TLN1: variants seen among roughly 807,000 people sequenced by gnomAD.
TLN1 encodes talin 1, also known as talin-1.
In TLN1, 56 loss-of-function variants were observed where a neutral mutation model predicts 292.3. The ratio of observed to expected loss-of-function variants is 0.19; its 90% CI spans 0.15 to 0.24. The LOEUF is 0.24. Ranked by LOEUF, TLN1 falls within the 10% of genes least tolerant of loss-of-function variation. The pLI is 1.00. For synonymous variants in TLN1, 1,119 were observed against 1,253.7 expected (o/e 0.89, Z 2.27); for missense variants, 2,433 against 3,248.2 (o/e 0.75, Z 6.10).
rs1482739223 is a variant in TLN1, at chr9:35,711,264, G to T, written c.4010C>A (p.Ala1337Glu). The change falls in exon 30 of 57, where the codon GCA becomes GAA. Residue 1337 changes from alanine (A) to glutamate (E), a missense_variant. Ala to Glu is a moderately radical substitution (Grantham distance 107, BLOSUM62 -1). This residue lies in a region of TLN1 where 1,384 missense variants were observed against 1,699.6 expected (regional missense o/e 0.81). Transcript: ENST00000314888. ...AAPNLKSQLAAAARAVTDSIN... is the reference protein window; with the variant it reads ...AAPNLKSQLAEAARAVTDSIN... Reference sequence around the variant, plus strand: ...CTCAGCAACTACTTACCTGGCAGCTGCAGCCAGCTGACTCTTGAGGTTAGG... The same window carrying T: ...CTCAGCAACTACTTACCTGGCAGCTTCAGCCAGCTGACTCTTGAGGTTAGG... 1 of 1,614,120 alleles carries T rather than the reference G, an allele frequency of 6.2e-7. No individual in the cohort carries two copies. The highest frequency in any genetic ancestry group is 8.5e-7 in the Non-Finnish European group (1 of 1,180,042).
Position 35,717,890 on chromosome 9 carries a change from GGA to G in TLN1, c.1996-106_1996-105del. On this transcript the variant is annotated intron_variant, in intron 17 of 56. Transcript: ENST00000314888. The surrounding 1 kb of genome is among the most constrained non-coding windows in gnomAD (Gnocchi z 4.7). ...CATTATTCCCACTGATCCAATCAAA[GGA>G]GAGTGTACGCAGAAGCAACCAGAAC... is the stretch of plus-strand genomic sequence containing the variant. 1 of 1,399,020 alleles carries G rather than the reference GGA, an allele frequency of 7.1e-7. No homozygotes were observed. The highest frequency in any genetic ancestry group is 1.4e-5 in the African/African-American group (1 of 70,052). 86.7% of individuals were successfully genotyped at this position (1,399,020 alleles called of 1,614,324 possible).
At chr9:35,715,021 A>G (rs371425826) in intron 21 of TLN1, 38 bp downstream of exon 21, 9 of 1,612,240 alleles carry the variant, frequency 5.6e-6, no homozygotes, top group Non-Finnish European at 7.6e-6. Flanking sequence ...CACAGCACCC[A>G]CACTCTCTCT....
intron 1 of TLN1, among the ~76,000 whole-genome samples, chr9:35,728,627 C>G (rs1281835825): frequency 3.9e-5 from 6 of 152,246 alleles, no homozygotes; most frequent in Non-Finnish European, 7.3e-5. Flanking sequence ...AGCCCCCACA[C>G]AGATCCCATC....
intron 1 of TLN1, among the ~76,000 whole-genome samples, chr9:35,730,501 G>A (rs1826055920): frequency 6.7e-6 from 1 of 149,982 alleles, no homozygotes. Context: ...ACACACAGCA[G>A]GGGATGGGAG....
chr9:35,710,969 T>C lies in TLN1; in HGVS notation c.4113+20A>G. ...AACACTTCCCTCAACCTCAATGCCATCAGCCTGCCATGTGTCTACCTCCAA... is the reference window on the plus strand; with the variant it reads ...AACACTTCCCTCAACCTCAATGCCACCAGCCTGCCATGTGTCTACCTCCAA... On this transcript the variant is annotated intron_variant, in intron 31 of 56. Transcript: ENST00000314888. 1 of 1,614,084 alleles carries C rather than the reference T, an allele frequency of 6.2e-7. No homozygotes were observed. The highest frequency in any genetic ancestry group is 8.5e-7 in the Non-Finnish European group (1 of 1,179,950).
chr9:35,703,469 C>A lies in TLN1; in HGVS notation c.6474+91G>T. ...ATGAGAGAGAAGACTGTGTGTGACT[C>A]CAGCTGTGAGTATATGTGTGGCACA... On this transcript the variant is annotated intron_variant, in intron 48 of 56. Transcript: ENST00000314888. The A allele has an allele frequency of 4.1e-6, 5 of 1,220,092 alleles. No homozygotes were observed. In the South Asian group the frequency reaches 6.1e-5, roughly 15 times the overall value. The allele number at this position is 1,220,092 out of a possible 1,614,324, so 75.6% of individuals were successfully genotyped here. A position where few individuals can be genotyped will look rare whatever the true frequency, so the allele number is the denominator to read the frequency against.
intron 1 of TLN1, among the ~76,000 whole-genome samples, chr9:35,727,521 TC>T (rs2131912076): frequency 6.6e-6 from 1 of 152,174 alleles, no homozygotes; most frequent in South Asian, 2.1e-4. Context: ...CTGTCTTTAC[TC>T]CCCAATAAGA....
In TLN1 at chr9:35,707,872, A is replaced by C; in HGVS notation, c.4491T>G (p.Ile1497Met). 1 of 1,614,122 alleles carries C rather than the reference A, an allele frequency of 6.2e-7. No homozygotes were observed. The highest frequency in any genetic ancestry group is 8.5e-7 in the Non-Finnish European group (1 of 1,179,998). Reference protein sequence around the residue: ...TQAQVLSAATIVAKHTSALCN... With the variant: ...TQAQVLSAATMVAKHTSALCN... Reference sequence around the variant, plus strand: ...ACAGTGCAGAGGTGTGTTTAGCCACAATGGTGGCTGCAGAGAGCACCTGAG... The same window carrying C: ...ACAGTGCAGAGGTGTGTTTAGCCACCATGGTGGCTGCAGAGAGCACCTGAG... Residue 1497 changes from isoleucine to methionine, a missense_variant, in exon 35 of 57, where the codon ATT (isoleucine) becomes ATG (methionine). By Grantham distance (10) the Ile-to-Met change is conservative (BLOSUM62 1). Transcript: ENST00000314888. The surrounding 1 kb of genome is among the most constrained non-coding windows in gnomAD (Gnocchi z 5.6).
Position 35,699,599 on chromosome 9 carries a change from T to G in TLN1, c.6769-138A>C. ...CATAGCCCTCAAACTCCACGCTGCC[T>G]ATCCAAGTACACATCATGCATCACA... is the stretch of plus-strand genomic sequence containing the variant. On this transcript the variant is annotated intron_variant, in intron 50 of 56. Transcript: ENST00000314888. This position sits in a 1 kb window ranked among gnomAD's most constrained non-coding sequence, Gnocchi z 4.0. 1 of 1,428,940 alleles carries G rather than the reference T, an allele frequency of 7.0e-7. No individual in the cohort carries two copies. Among genetic ancestry groups the G allele is most frequent in the Non-Finnish European group, 9.1e-7 (1 of 1,094,572 alleles). The allele number at this position is 1,428,940 out of a possible 1,614,324, so 88.5% of individuals were successfully genotyped here.
At chr9:35,716,833 GA>G (rs1426057013) in intron 19 of TLN1, among the ~76,000 whole-genome samples, 2 of 152,200 alleles carry the variant, frequency 1.3e-5, no homozygotes, top group African/African-American at 4.8e-5. Flanking sequence ...GACACTCTCT[GA>G]AAACTTTTGG....
In TLN1 at chr9:35,698,410, G is replaced by T. The variant is rs763683465; in HGVS notation, c.7284C>A (p.Ala2428=). Reference sequence around the variant, plus strand: ...GGGCTGTGGAGGCAGCTACCTGCTTGGCTGATGAGATGAGCTTCTCCTGGC... The same window carrying T: ...GGGCTGTGGAGGCAGCTACCTGCTTTGCTGATGAGATGAGCTTCTCCTGGC... ...HASQEKLISS[A]KQVAASTAQL... is the part of the protein sequence containing the mutation. The change falls in exon 55 of 57, where the codon GCC becomes GCA. Residue 2428 remains alanine, a synonymous_variant. Transcript: ENST00000314888. This position sits in a 1 kb window ranked among gnomAD's most constrained non-coding sequence, Gnocchi z 5.3. 16 of 1,614,180 alleles carry T rather than the reference G, an allele frequency of 9.9e-6. No individual in the cohort carries two copies. The highest frequency in any genetic ancestry group is 3.3e-5 in the Admixed American group (2 of 60,018).
In TLN1 at chr9:35,705,856, G is replaced by A. The variant is rs201603005; in HGVS notation, c.5512-5C>T. The A allele has an allele frequency of 1.2e-6, 2 of 1,614,064 alleles. No individual in the cohort carries two copies. The highest frequency in any genetic ancestry group is 1.7e-5 in the Admixed American group (1 of 60,024). ...ACCCATTGGTCCTTCATCTAGCTGAGGGGGGAGGATAGGGAAAGGGAAAGA... is the reference window on the plus strand; with the variant it reads ...ACCCATTGGTCCTTCATCTAGCTGAAGGGGGAGGATAGGGAAAGGGAAAGA... On this transcript the variant is annotated splice_region_variant and splice_polypyrimidine_tract_variant and intron_variant, in intron 41 of 56. Coordinates refer to ENST00000314888, the MANE Select transcript of TLN1 (RefSeq NM_006289.4).
Position 35,707,560 on chromosome 9 carries a change from T to C in TLN1, c.4633-72A>G. 6.3e-7 allele frequency: 1 copy of C among 1,585,454 alleles called. No homozygotes were observed. Among genetic ancestry groups the C allele is most frequent in the East Asian group, 2.2e-5 (1 of 44,496 alleles). ...GGGTATAGGAAGTGAAGTCCAGGTC[T>C]CCTTCCTGGGACTTACAGGATTTGG... On this transcript the variant is annotated intron_variant, in intron 35 of 56. Coordinates refer to ENST00000314888, the MANE Select transcript of TLN1 (RefSeq NM_006289.4). The surrounding 1 kb of genome is among the most constrained non-coding windows in gnomAD (Gnocchi z 5.6).
intron 8 of TLN1, 90 bp from the exon 9 acceptor site, chr9:35,722,313 T>A: frequency 8.8e-7 from 1 of 1,136,422 alleles, no homozygotes; most frequent in Non-Finnish European, 1.3e-6. Context: ...GAGAGAGAAT[T>A]ATGGGGACAC....
In TLN1 at chr9:35,717,444, T is replaced by C. The variant is rs753339437; in HGVS notation, c.2164-4A>G. On this transcript the variant is annotated splice_region_variant and splice_polypyrimidine_tract_variant and intron_variant, in intron 18 of 56. Transcript: ENST00000314888. This position sits in a 1 kb window ranked among gnomAD's most constrained non-coding sequence, Gnocchi z 4.7. Reference sequence around the variant, plus strand: ...AGCTGATTGTAGGTGCCACCACCTGTAGGTAAAGTGAATGTCAGAGACGTA... The same window carrying C: ...AGCTGATTGTAGGTGCCACCACCTGCAGGTAAAGTGAATGTCAGAGACGTA... The C allele has an allele frequency of 1.1e-5, 17 of 1,610,210 alleles. No homozygotes were observed. Among genetic ancestry groups the C allele is most frequent in the Admixed American group, 3.3e-5 (2 of 59,928 alleles).
chr9:35,702,628 G>C (rs539750024), intron 48 of TLN1, among the ~76,000 whole-genome samples: 1 of 152,048 alleles, frequency 6.6e-6, no homozygotes, highest in African/African-American at 2.4e-5. Flanking sequence ...AAGCAGCTGG[G>C]ACTACAGGCG....
In TLN1 at chr9:35,707,744, A is replaced by C; in HGVS notation, c.4619T>G (p.Val1540Gly). ...AGCAATGGGAACCTTGATGGTCTTG[A>C]CAAGATTAGCTGTGCTGTTGGCCAC... ...KEVANSTANL[V>G]KTIKALDGAF... Residue 1540 changes from valine to glycine, a missense_variant, in exon 35 of 57, where the codon GTC (valine) becomes GGC (glycine). Physicochemically the swap from Val to Gly is moderately radical, Grantham distance 109 (BLOSUM62 -3). Transcript: ENST00000314888. The surrounding 1 kb of genome is among the most constrained non-coding windows in gnomAD (Gnocchi z 5.6). 1 of 1,614,186 alleles carries C rather than the reference A, an allele frequency of 6.2e-7. No homozygotes were observed. Among genetic ancestry groups the C allele is most frequent in the Non-Finnish European group, 8.5e-7 (1 of 1,180,020 alleles).
Position 35,705,457 on chromosome 9 carries a change from G to T in TLN1, c.5733+94C>A. On this transcript the variant is annotated intron_variant, in intron 43 of 56. Transcript: ENST00000314888. ...GCCCTGAGGCTGTTCCCCTTTCTAT[G>T]AAAGACCAGAGAGGGTGGGGGTGGG... 11 of 1,317,986 alleles carry T rather than the reference G, an allele frequency of 8.3e-6. 1 individual carries two copies. The South Asian group carries it at 1.2e-4, about 14-fold the overall frequency. 81.6% of individuals were successfully genotyped at this position (1,317,986 alleles called of 1,614,324 possible). A position where few individuals can be genotyped will look rare whatever the true frequency, so the allele number is the denominator to read the frequency against.
In TLN1 at chr9:35,707,273, GAAGGT is replaced by G. The variant is rs1403235574; in HGVS notation, c.4774-25_4774-21del. The G allele has an allele frequency of 6.2e-7, 1 of 1,603,804 alleles. No individual in the cohort carries two copies. Among genetic ancestry groups the G allele is most frequent in the East Asian group, 2.2e-5 (1 of 44,662 alleles). ...CCGACCCTGGGGAGAGGGGAGGCAG[GAAGGT>G]AAGTCTCAGGAGTCCCTGGAAGATG... On this transcript the variant is annotated intron_variant, in intron 36 of 56. Coordinates refer to ENST00000314888, the MANE Select transcript of TLN1 (RefSeq NM_006289.4). The surrounding 1 kb of genome is among the most constrained non-coding windows in gnomAD (Gnocchi z 5.6).
Sources: gnomAD v4.1 joint callset for allele counts (sites outside exome capture counted in the v4.1 genomes callset) on GRCh38, gnomAD v4.1.1 for gene constraint, gnomAD v4.1.1 regional missense constraint, Gnocchi (gnomAD v3.1) non-coding constraint, MANE v1.5 for transcripts, NCBI Gene and HGNC (gene_info 2026-07-23, HGNC 2026-07-21) for gene names.